Variants in ASTN1 observed in about 807,000 individuals in gnomAD.
ASTN1 encodes astrotactin-1.
Under a neutral mutation model 140.7 loss-of-function variants are expected in ASTN1, and 41 were observed. The ratio of observed to expected loss-of-function variants is 0.29; its 90% CI spans 0.23 to 0.38. ASTN1 has a LOEUF of 0.38. Among genes scored for constraint, ASTN1 ranks in the 10% least tolerant of loss-of-function variants. The pLI is 1.00. For missense variants in ASTN1, 1,479 were observed against 1,678.8 expected, an observed-to-expected ratio of 0.88 and a Z score of 2.08; for synonymous variants, 640 against 652.2, an observed-to-expected ratio of 0.98 and a Z score of 0.29.
At chr1:176,980,653 A>G (rs1244715366) in intron 8 of ASTN1, among the ~76,000 whole-genome samples, 1 of 152,132 alleles carries the variant, frequency 6.6e-6, no homozygotes, top group Admixed American at 6.5e-5. Flanking sequence ...ACACTGGGAA[A>G]TAAGATCAAA....
At chr1:177,047,533 G>A (rs913661640) in intron 2 of ASTN1, among the ~76,000 whole-genome samples, 14 of 152,146 alleles carry the variant, frequency 9.2e-5, no homozygotes, top group Admixed American at 2.6e-4. Context: ...AGTTCAAGCT[G>A]CATTTTATTA....
At chr1:176,901,169 A>C (rs1302045785) in intron 16 of ASTN1, among the ~76,000 whole-genome samples, 1 of 152,172 alleles carries the variant, frequency 6.6e-6, no homozygotes, top group African/African-American at 2.4e-5. Flanking sequence ...GGGTTCTACT[A>C]CTTTTGGGTG....
At chr1:177,137,413 G>T (rs1207060460) in intron 1 of ASTN1, among the ~76,000 whole-genome samples, 3 of 152,204 alleles carry the variant, frequency 2.0e-5, no homozygotes, top group Non-Finnish European at 2.9e-5. Context: ...ACAAAGAAAA[G>T]AGTTCAAGGA....
intron 16 of ASTN1, among the ~76,000 whole-genome samples, chr1:176,930,087 G>A (rs1237861077): frequency 6.6e-6 from 1 of 152,162 alleles, no homozygotes; most frequent in Non-Finnish European, 1.5e-5. Context: ...AGATACACAC[G>A]AGGGAACGAT....
chr1:177,027,592 G>A (rs539144087), intron 5 of ASTN1, among the ~76,000 whole-genome samples: 2 of 150,608 alleles, frequency 1.3e-5, no homozygotes, highest in African/African-American at 2.4e-5. Context: ...CATATTGAAC[G>A]ACTTTTACTT....
intron 20 of ASTN1, among the ~76,000 whole-genome samples, chr1:176,881,047 T>G (rs1231305889): frequency 6.6e-6 from 1 of 152,196 alleles, no homozygotes; most frequent in Non-Finnish European, 1.5e-5. Flanking sequence ...TTGCAGCCCA[T>G]GTATTCTTAA....
chr1:177,134,856 T>C (rs186134248), intron 1 of ASTN1, among the ~76,000 whole-genome samples: 7 of 152,144 alleles, frequency 4.6e-5, no homozygotes, highest in African/African-American at 1.7e-4. Flanking sequence ...GCCTTAGGAA[T>C]TCCCAGAGGG....
intron 2 of ASTN1, among the ~76,000 whole-genome samples, chr1:177,060,117 T>TA (rs773606473): frequency 2.4e-4 from 37 of 152,058 alleles, no homozygotes; most frequent in South Asian, 4.1e-4. Context: ...GACACATCAG[T>TA]AAAAAAAACA....
chr1:177,034,135 A>C (rs887553167), intron 2 of ASTN1, among the ~76,000 whole-genome samples: 1 of 152,000 alleles, frequency 6.6e-6, no homozygotes, highest in African/African-American at 2.4e-5. Context: ...AAATACATTA[A>C]AGGGGGCTTT....
At chr1:177,088,501 C>T (rs2102095631) in intron 1 of ASTN1, among the ~76,000 whole-genome samples, 1 of 152,248 alleles carries the variant, frequency 6.6e-6, no homozygotes, top group East Asian at 1.9e-4. Context: ...CTAGCGTCAT[C>T]CTCAGTAACA....
Position 176,861,895 on chromosome 1 carries a change from G to A in ASTN1, c.*2389C>T. 1 of 985,360 alleles carries A rather than the reference G, an allele frequency of 1.0e-6. No homozygotes were observed. The highest frequency in any genetic ancestry group is 1.2e-6 in the Non-Finnish European group (1 of 829,948). The allele number at this position is 985,360 out of a possible 1,614,324, so 61.0% of individuals were successfully genotyped here. On this transcript the variant is annotated 3_prime_UTR_variant, in exon 23 of 23. Coordinates refer to ENST00000361833, the MANE Select transcript of ASTN1 (RefSeq NM_004319.3). ...AGTGTGCCTAAAATAAAAACAGAAG[G>A]AGAGGGTACAGAGGAGTGACTCTGA...
At chr1:176,965,094 G>A in intron 9 of ASTN1, 69 bp downstream of exon 9, 1 of 1,457,104 alleles carries the variant, frequency 6.9e-7, no homozygotes, top group Non-Finnish European at 9.6e-7. Flanking sequence ...AACTAGGAAA[G>A]TCAGTTCGGG....
chr1:176,913,636 C>A (rs1409988683), intron 16 of ASTN1, among the ~76,000 whole-genome samples: 2 of 152,170 alleles, frequency 1.3e-5, no homozygotes, highest in Non-Finnish European at 2.9e-5. Context: ...ATTGCTGGGG[C>A]AGGGTAGGGA....
intron 1 of ASTN1, among the ~76,000 whole-genome samples, chr1:177,133,608 A>C (rs1682042126): frequency 2.6e-5 from 4 of 152,210 alleles, no homozygotes; most frequent in Admixed American, 2.6e-4. Context: ...ATATCATCAG[A>C]GCAAAGGCCA....
chr1:176,939,540 A>C (rs528549901), intron 14 of ASTN1, among the ~76,000 whole-genome samples: 23 of 152,270 alleles, frequency 1.5e-4, no homozygotes, highest in Admixed American at 1.0e-3. Flanking sequence ...TTAAAAAGAA[A>C]GGGGTATTTT....
chr1:177,056,173 T>C (rs1211446139), intron 2 of ASTN1, among the ~76,000 whole-genome samples: 1 of 152,178 alleles, frequency 6.6e-6, no homozygotes, highest in Non-Finnish European at 1.5e-5. Context: ...CCCATAGGTG[T>C]CTTCTGTGGG....
chr1:176,909,987 C>T (rs574631823), intron 16 of ASTN1, among the ~76,000 whole-genome samples: 23 of 152,282 alleles, frequency 1.5e-4, no homozygotes, highest in Non-Finnish European at 3.4e-4. Context: ...AGTCTAGAGT[C>T]AAACAAACCA....
intron 1 of ASTN1, among the ~76,000 whole-genome samples, chr1:177,108,470 T>C (rs908352756): frequency 1.4e-4 from 21 of 152,158 alleles, no homozygotes; most frequent in Non-Finnish European, 1.5e-5. Context: ...CCTTTGTGAC[T>C]GGTTTTTTCC....
downstream of ASTN1, among the ~76,000 whole-genome samples, chr1:176,858,862 T>C (rs565245335): frequency 1.3e-5 from 2 of 152,322 alleles, no homozygotes; most frequent in Admixed American, 6.5e-5. Flanking sequence ...TTAATCATGA[T>C]GGCAGTATAG....
Sources: allele counts gnomAD v4.1 joint callset (sites outside exome capture counted in the v4.1 genomes callset), GRCh38; gene constraint gnomAD v4.1.1; transcripts MANE v1.5; gene names NCBI Gene and HGNC (gene_info 2026-07-23, HGNC 2026-07-21).